Variants in ABCC11 observed in about 807,000 individuals in gnomAD.
ABCC11 encodes the protein ATP binding cassette subfamily C member 11.
A neutral mutation model predicts 149.3 loss-of-function variants in ABCC11; 135 were observed. The ratio of observed to expected loss-of-function variants is 0.90; its 90% confidence interval spans 0.79 to 1.04. The LOEUF is 1.04. Among genes scored for constraint, ABCC11 ranks in the 50% least tolerant of loss-of-function variants. ABCC11 has a pLI of 0.00. For missense variants in ABCC11, 1,680 were observed against 1,722.1 expected (o/e 0.98, Z 0.43); for synonymous variants, 665 against 671.4 (o/e 0.99, Z 0.15).
intron 1 of ABCC11, chr16:48,232,284 A>C: frequency 5.3e-6 from 1 of 186,940 alleles, no homozygotes; most frequent in African/African-American, 2.3e-5. Context: ...TTAACTGTGT[A>C]TTTGTTTGAA....
intron 23 of ABCC11, among the ~76,000 whole-genome samples, chr16:48,181,075 G>C (rs376421970): frequency 6.6e-6 from 1 of 152,190 alleles, no homozygotes; most frequent in Non-Finnish European, 1.5e-5. Flanking sequence ...CAAGGGCTGC[G>C]CTTAGGGCAG....
At chr16:48,170,526 C>T (rs1965648160) in intron 27 of ABCC11, among the ~76,000 whole-genome samples, 1 of 152,204 alleles carries the variant, frequency 6.6e-6, no homozygotes, top group Admixed American at 6.5e-5. Flanking sequence ...AAGAGCTGCT[C>T]CTGCCCTGAC....
chr16:48,230,342 A>T, intron 3 of ABCC11, 95 bp downstream of exon 3: 1 of 1,417,168 alleles, frequency 7.1e-7, no homozygotes, highest in Non-Finnish European at 9.4e-7. Context: ...GTAGGGATGT[A>T]GTTATGCAAC....
intron 27 of ABCC11, among the ~76,000 whole-genome samples, chr16:48,170,497 G>A (rs983105599): frequency 2.7e-4 from 41 of 152,108 alleles, no homozygotes; most frequent in Admixed American, 4.6e-4. Context: ...AAGAGACCTT[G>A]CCTGGCCACC....
chr16:48,202,820 T>C (rs577025369), intron 14 of ABCC11, among the ~76,000 whole-genome samples: 28 of 152,100 alleles, frequency 1.8e-4, no homozygotes, highest in Non-Finnish European at 2.9e-4. Flanking sequence ...GTCGTATGTG[T>C]ATTAAGGTGG....
At chr16:48,200,199 T>A in intron 15 of ABCC11, 77 bp downstream of exon 15, 1 of 1,461,154 alleles carries the variant, frequency 6.8e-7, no homozygotes, top group East Asian at 2.3e-5. Context: ...TGTTATTGAA[T>A]CACACTCTGA....
chr16:48,171,491 C>G (rs761389705), intron 26 of ABCC11, among the ~76,000 whole-genome samples: 3 of 152,174 alleles, frequency 2.0e-5, no homozygotes, highest in Non-Finnish European at 4.4e-5. Flanking sequence ...CTTGGCCTCC[C>G]CATTATCATG....
intron 6 of ABCC11, among the ~76,000 whole-genome samples, chr16:48,219,408 C>T (rs745416032): frequency 7.2e-5 from 11 of 152,022 alleles, no homozygotes; most frequent in East Asian, 3.9e-4. Context: ...TGAACTCAAG[C>T]GATTCATCCA....
chr16:48,242,067 C>T lies in ABCC11; in HGVS notation c.-19+5247G>A, dbSNP rs1230149667. Among the ~76,000 whole-genome samples, 3 of 152,184 alleles carry T rather than the reference C, an allele frequency of 2.0e-5. 1 individual carries two copies. The highest frequency in any genetic ancestry group is 7.2e-5 in the African/African-American group (3 of 41,426). ...AATGGGATCTAATTAAACTAAAGAG[C>T]TTCTGCACAGCAAAATAAACCACCA... On this transcript the variant is annotated intron_variant, in intron 1 of 29. Coordinates refer to ENST00000356608, the MANE Select transcript of ABCC11 (RefSeq NM_001370497.1).
chr16:48,244,013 A>AAATC (rs1971171374), intron 1 of ABCC11, among the ~76,000 whole-genome samples: 1 of 152,204 alleles, frequency 6.6e-6, no homozygotes, highest in Admixed American at 6.5e-5. Flanking sequence ...ATAAATAAAT[A>AAATC]AATAAATAAT....
rs767808988 is a variant in ABCC11 at position 48,200,323 on chromosome 16, T to C, written c.2035A>G (p.Lys679Glu). 1.2e-6 allele frequency: 2 copies of C among 1,614,232 alleles called. No individual in the cohort carries two copies. Among genetic ancestry groups the C allele is most frequent in the Non-Finnish European group, 1.7e-6 (2 of 1,180,040 alleles). Residue 679 changes from lysine (K) to glutamate (E), a missense_variant, in exon 15 of 30, where the codon AAG becomes GAG. Physicochemically the swap from Lys to Glu is moderately conservative, Grantham distance 56 (BLOSUM62 1). Coordinates refer to ENST00000356608, the MANE Select transcript of ABCC11 (RefSeq NM_001370497.1). ...GKHIFEECIK[K>E]TLRGKTVVLV... ...ACGACCGTCTTCCCCCTGAGTGTCTTCTTAATGCACTCCTCAAAAATGTGC... is the reference window on the plus strand; with the variant it reads ...ACGACCGTCTTCCCCCTGAGTGTCTCCTTAATGCACTCCTCAAAAATGTGC...
At position 48,247,305 on chromosome 16, in the gene ABCC11, C is replaced by T. The variant is rs1229362681; in HGVS notation, c.-19+9G>A. On this transcript the variant is annotated intron_variant, in intron 1 of 29. Transcript: ENST00000356608. Reference sequence around the variant, plus strand: ...GTTTCCACGCACAAGTCTGTCCTTCCCCAGTTACCTGCTTTTCTGTATGGT... The same window carrying T: ...GTTTCCACGCACAAGTCTGTCCTTCTCCAGTTACCTGCTTTTCTGTATGGT... The T allele has an allele frequency of 1.3e-5, 2 of 152,806 alleles. No homozygotes were observed. Among genetic ancestry groups the T allele is most frequent in the Admixed American group, 6.5e-5 (1 of 15,300 alleles). 9.5% of individuals were successfully genotyped at this position (152,806 alleles called of 1,614,324 possible).
chr16:48,239,965 C>T (rs1339822709), intron 1 of ABCC11, among the ~76,000 whole-genome samples: 1 of 152,072 alleles, frequency 6.6e-6, no homozygotes, highest in African/African-American at 2.4e-5. Flanking sequence ...AAATCAAAAC[C>T]ACAGTGAGAT....
At chr16:48,226,827 CACA>C (rs1171809272) in intron 4 of ABCC11, among the ~76,000 whole-genome samples, 3 of 152,176 alleles carry the variant, frequency 2.0e-5, no homozygotes, top group Non-Finnish European at 4.4e-5. Flanking sequence ...CTGGCTATAA[CACA>C]ACATTTCACA....
At chr16:48,188,938 A>G (rs1966848363) in intron 20 of ABCC11, among the ~76,000 whole-genome samples, 2 of 152,230 alleles carry the variant, frequency 1.3e-5, no homozygotes, top group African/African-American at 4.8e-5. Flanking sequence ...ACTAAATGTA[A>G]TTATTTGAGC....
rs775900414 is a variant in ABCC11 at position 48,197,986 on chromosome 16, G to A, written c.2299C>T (p.Leu767Phe). 6.2e-7 allele frequency: 1 copy of A among 1,614,144 alleles called. No homozygotes were observed. Among genetic ancestry groups the A allele is most frequent in the Non-Finnish European group, 8.5e-7 (1 of 1,180,040 alleles). ...ACACCATTACCAGCATTTCCGTTGA[G>A]AGACTCTTCCAGGGAGGTGGCCAGA... ...QALATSLEES[L>F]NGNAVPEHQL... The change falls in exon 17 of 30, where the codon CTC becomes TTC. Residue 767 changes from leucine to phenylalanine, a missense_variant. Physicochemically the swap from Leu to Phe is conservative, Grantham distance 22. Transcript: ENST00000356608.
intron 6 of ABCC11, among the ~76,000 whole-genome samples, chr16:48,217,782 C>T (rs555363996): frequency 1.3e-5 from 2 of 152,278 alleles, no homozygotes; most frequent in African/African-American, 4.8e-5. Flanking sequence ...TTTAAAAGTA[C>T]ATCAGGGAGC....
intron 4 of ABCC11, among the ~76,000 whole-genome samples, chr16:48,225,097 A>C (rs529082615): frequency 6.6e-6 from 1 of 152,018 alleles, no homozygotes; most frequent in South Asian, 2.1e-4. Context: ...CTGTAGTCCC[A>C]GCTACTCGGG....
chr16:48,212,703 T>C (rs1179943760), intron 10 of ABCC11, among the ~76,000 whole-genome samples: 1 of 152,236 alleles, frequency 6.6e-6, no homozygotes, highest in Non-Finnish European at 1.5e-5. Flanking sequence ...GTATTCTCAG[T>C]GCCTGGCTTG....
Sources: allele counts gnomAD v4.1 joint callset (sites outside exome capture counted in the v4.1 genomes callset), GRCh38; gene constraint gnomAD v4.1.1; transcripts MANE v1.5; gene names NCBI Gene and HGNC (gene_info 2026-07-23, HGNC 2026-07-21).